MARCHF11: variants seen among roughly 807,000 people sequenced by gnomAD.
The protein encoded by MARCHF11 is membrane associated ring-CH-type finger 11.
MARCHF11 carries 29 observed loss-of-function variants against 37.3 expected under a neutral mutation model. The observed-to-expected ratio is 0.78, with a 90% CI of 0.58 to 1.06. The LOEUF is 1.06. MARCHF11 is among the 50% of genes least tolerant of loss of function. MARCHF11 has a pLI of 0.00. For synonymous variants in MARCHF11, 233 were observed against 228.0 expected, an observed-to-expected ratio of 1.02 and a Z score of -0.20; for missense variants, 482 against 533.4, an observed-to-expected ratio of 0.90 and a Z score of 0.95.
intron 2 of MARCHF11, among the ~76,000 whole-genome samples, chr5:16,172,658 C>A (rs972517865): frequency 6.6e-6 from 1 of 152,284 alleles, no homozygotes; most frequent in South Asian, 2.1e-4. Context: ...TTTTCAAAAC[C>A]AAAGTCAGTT....
At chr5:16,133,319 A>G (rs1026233196) in intron 2 of MARCHF11, among the ~76,000 whole-genome samples, 2 of 152,152 alleles carry the variant, frequency 1.3e-5, no homozygotes, top group Admixed American at 1.3e-4. Flanking sequence ...TGAACAAGCT[A>G]AGCTTACTTG....
intron 3 of MARCHF11, among the ~76,000 whole-genome samples, chr5:16,078,043 C>G (rs1287298803): frequency 2.0e-5 from 3 of 152,222 alleles, no homozygotes; most frequent in African/African-American, 4.8e-5. Flanking sequence ...ATTTAAATAG[C>G]TTCACTTTAT....
intron 2 of MARCHF11, among the ~76,000 whole-genome samples, chr5:16,092,651 G>C (rs533930321): frequency 2.4e-4 from 36 of 152,202 alleles, no homozygotes; most frequent in African/African-American, 6.0e-4. Flanking sequence ...TTAAAACCTG[G>C]ATAACGGGTT....
intron 3 of MARCHF11, among the ~76,000 whole-genome samples, chr5:16,068,906 C>T (rs183090415): frequency 5.8e-4 from 89 of 152,288 alleles, no homozygotes; most frequent in Admixed American, 1.4e-3. Flanking sequence ...CAGAGCATGT[C>T]GGCTGGCACA....
At chr5:16,091,126 T>TAAA in intron 2 of MARCHF11, 45 bp from the exon 3 acceptor site, 1 of 1,223,100 alleles carries the variant, frequency 8.2e-7, no homozygotes, top group South Asian at 1.7e-5. Flanking sequence ...TGTGTATAAT[T>TAAA]AAAAAAGAAA....
chr5:16,142,882 GGC>G lies in MARCHF11; in HGVS notation c.693+34842_693+34843del, dbSNP rs1271248962. ...TACAGGCATGCGCACCACCACACCT[GGC>G]TTTTTTTTTTTTTTTTTTTTTTTTT... is the stretch of plus-strand genomic sequence containing the variant. On this transcript the variant is annotated intron_variant, in intron 2 of 3. Transcript: ENST00000332432. Among the ~76,000 whole-genome samples, 378 of 101,882 alleles carry G rather than the reference GGC, an allele frequency of 3.7e-3. 2 individuals carry two copies. The highest frequency in any genetic ancestry group is 5.0e-3 in the Non-Finnish European group (278 of 55,338). 66.8% of individuals were successfully genotyped at this position (101,882 alleles called of 152,430 possible).
chr5:16,069,368 G>C (rs2126541880), intron 3 of MARCHF11, among the ~76,000 whole-genome samples: 1 of 152,234 alleles, frequency 6.6e-6, no homozygotes, highest in Admixed American at 6.5e-5. Flanking sequence ...AGGAAGGAAA[G>C]AAACAAAATT....
At chr5:16,076,690 T>C (rs572301221) in intron 3 of MARCHF11, among the ~76,000 whole-genome samples, 1 of 152,228 alleles carries the variant, frequency 6.6e-6, no homozygotes, top group Admixed American at 6.5e-5. Flanking sequence ...CCCTCTCACT[T>C]TGGGGAATAA....
At chr5:16,126,479 T>C (rs1737409503) in intron 2 of MARCHF11, among the ~76,000 whole-genome samples, 1 of 152,220 alleles carries the variant, frequency 6.6e-6, no homozygotes, top group African/African-American at 2.4e-5. Context: ...GGAATTAAGC[T>C]TAAGTTCTTA....
At chr5:16,152,571 C>A (rs1359949983) in intron 2 of MARCHF11, among the ~76,000 whole-genome samples, 1 of 151,944 alleles carries the variant, frequency 6.6e-6, no homozygotes, top group Non-Finnish European at 1.5e-5. Flanking sequence ...AATCAGACAT[C>A]CATTTCTTAC....
intron 2 of MARCHF11, among the ~76,000 whole-genome samples, chr5:16,152,515 T>C (rs1289462461): frequency 1.3e-5 from 2 of 151,954 alleles, no homozygotes; most frequent in Non-Finnish European, 2.9e-5. Flanking sequence ...GAAGGATAGG[T>C]GTAAGAGCAC....
chr5:16,148,616 G>A (rs1056189631), intron 2 of MARCHF11, among the ~76,000 whole-genome samples: 2 of 152,200 alleles, frequency 1.3e-5, no homozygotes, highest in Non-Finnish European at 2.9e-5. Flanking sequence ...TTAGCAGTTT[G>A]CAGGCAAGCC....
At chr5:16,104,264 C>T (rs1179805284) in intron 2 of MARCHF11, among the ~76,000 whole-genome samples, 2 of 152,238 alleles carry the variant, frequency 1.3e-5, no homozygotes, top group South Asian at 2.1e-4. Flanking sequence ...TTCCTTCCCA[C>T]CTTTTCCCCT....
intron 3 of MARCHF11, among the ~76,000 whole-genome samples, chr5:16,082,718 A>T (rs930929055): frequency 6.6e-6 from 1 of 152,162 alleles, no homozygotes; most frequent in Admixed American, 6.5e-5. Context: ...CTCCAAAAGG[A>T]AATACTAGGC....
chr5:16,096,009 T>C (rs1736862086), intron 2 of MARCHF11, among the ~76,000 whole-genome samples: 1 of 152,242 alleles, frequency 6.6e-6, no homozygotes, highest in African/African-American at 2.4e-5. Context: ...AGATCCACTC[T>C]GGCCAAGCCA....
chr5:16,099,964 A>G (rs552426409), intron 2 of MARCHF11, among the ~76,000 whole-genome samples: 1 of 152,190 alleles, frequency 6.6e-6, no homozygotes, highest in African/African-American at 2.4e-5. Context: ...TAGAATGTCA[A>G]TAAAAATTCT....
At chr5:16,106,767 A>G (rs1004393013) in intron 2 of MARCHF11, among the ~76,000 whole-genome samples, 8 of 152,212 alleles carry the variant, frequency 5.3e-5, no homozygotes, top group African/African-American at 1.4e-4. Context: ...TAAACATCCT[A>G]CGATGGACAG....
intron 2 of MARCHF11, among the ~76,000 whole-genome samples, chr5:16,119,825 A>C (rs1302440988): frequency 6.6e-6 from 1 of 152,214 alleles, no homozygotes; most frequent in Non-Finnish European, 1.5e-5. Context: ...ATTTCTATTT[A>C]TAGTAGTAAA....
chr5:16,172,426 G>A (rs904685144), intron 2 of MARCHF11, among the ~76,000 whole-genome samples: 6 of 152,016 alleles, frequency 3.9e-5, no homozygotes, highest in Admixed American at 6.6e-5. Flanking sequence ...ATTCAGCCAC[G>A]GTAATAAAAC....
Sources: allele counts gnomAD v4.1 joint callset (sites outside exome capture counted in the v4.1 genomes callset), GRCh38; gene constraint gnomAD v4.1.1; transcripts MANE v1.5; gene names NCBI Gene and HGNC (gene_info 2026-07-23, HGNC 2026-07-21).